Variants in SAMMSON observed in about 807,000 individuals in gnomAD.
SAMMSON encodes the protein long intergenic non-protein coding RNA 1212.
chr3:70,095,686 T>C (rs2067320654), intron 4 of SAMMSON, among the ~76,000 whole-genome samples: 1 of 152,152 alleles, frequency 6.6e-6, no homozygotes, highest in South Asian at 2.1e-4. Flanking sequence ...TAATGGTTCT[T>C]AGGAGTTGTT....
intron 3 of SAMMSON, among the ~76,000 whole-genome samples, chr3:70,026,326 G>A (rs1190968674): frequency 6.6e-6 from 1 of 152,028 alleles, no homozygotes; most frequent in African/African-American, 2.4e-5. Flanking sequence ...ACAGTTTGAA[G>A]GTCAGGAATT....
At chr3:70,284,638 C>T (rs926998314) in intron 6 of SAMMSON, among the ~76,000 whole-genome samples, 5 of 152,118 alleles carry the variant, frequency 3.3e-5, no homozygotes, top group Admixed American at 1.3e-4. Flanking sequence ...TAGAAATTAA[C>T]ACAGGAACAG....
intron 7 of SAMMSON, among the ~76,000 whole-genome samples, chr3:70,301,724 C>T (rs1702350564): frequency 6.6e-6 from 1 of 151,924 alleles, no homozygotes; most frequent in South Asian, 2.1e-4. Flanking sequence ...TTGATACATT[C>T]TTAATTCTCA....
chr3:70,074,928 A>G (rs2067243197), intron 4 of SAMMSON: 1 of 151,976 alleles, frequency 6.6e-6, no homozygotes, highest in South Asian at 2.1e-4. Context: ...GGTGTGATTC[A>G]TCTCCCAATA....
At chr3:70,089,343 A>G (rs978361466) in intron 4 of SAMMSON, among the ~76,000 whole-genome samples, 9 of 152,212 alleles carry the variant, frequency 5.9e-5, no homozygotes, top group Non-Finnish European at 1.2e-4. Flanking sequence ...AGCACATGCA[A>G]TCTTCACAGT....
At chr3:70,174,891 C>A (rs995130161) in intron 4 of SAMMSON, among the ~76,000 whole-genome samples, 1 of 152,012 alleles carries the variant, frequency 6.6e-6, no homozygotes, top group African/African-American at 2.4e-5. Flanking sequence ...AACATATTTT[C>A]ATGTACAGTT....
intron 4 of SAMMSON, among the ~76,000 whole-genome samples, chr3:70,239,979 T>G (rs1701650581): frequency 6.6e-6 from 1 of 152,066 alleles, no homozygotes; most frequent in Non-Finnish European, 1.5e-5. Context: ...GCTTTGAAAT[T>G]GAAGAAAATA....
At chr3:70,262,488 T>G (rs12489265) in intron 6 of SAMMSON, among the ~76,000 whole-genome samples, 9,584 of 152,266 alleles carry the variant, frequency 0.063, 365 homozygotes, top group South Asian at 0.12. Context: ...TCTTCAGTGT[T>G]TATTATGGGG....
chr3:70,161,694 CAGA>C (rs1333978793), intron 4 of SAMMSON, among the ~76,000 whole-genome samples: 1 of 151,736 alleles, frequency 6.6e-6, no homozygotes, highest in Non-Finnish European at 1.5e-5. Flanking sequence ...AAAATGATTT[CAGA>C]AGTTTTTCTT....
intron 1 of SAMMSON, among the ~76,000 whole-genome samples, chr3:70,008,237 A>C (rs1228048926): frequency 6.6e-6 from 1 of 152,150 alleles, no homozygotes; most frequent in Non-Finnish European, 1.5e-5. Flanking sequence ...TACCTTGGGC[A>C]GTATGGCCAC....
chr3:70,142,290 T>C (rs915695898), intron 4 of SAMMSON, among the ~76,000 whole-genome samples: 5 of 152,140 alleles, frequency 3.3e-5, no homozygotes, highest in Admixed American at 6.6e-5. Flanking sequence ...CAAGTGGCCA[T>C]CAATCAACAA....
intron 9 of SAMMSON, among the ~76,000 whole-genome samples, chr3:70,361,388 T>A (rs954485660): frequency 1.3e-5 from 2 of 152,196 alleles, no homozygotes; most frequent in Non-Finnish European, 2.9e-5. Context: ...TGAACCACTA[T>A]GGAAAGGAAT....
At chr3:70,060,532 A>G (rs1396680658) in intron 3 of SAMMSON, among the ~76,000 whole-genome samples, 1 of 152,150 alleles carries the variant, frequency 6.6e-6, no homozygotes, top group Non-Finnish European at 1.5e-5. Flanking sequence ...CTTTTCTGCT[A>G]TCTATTGATA....
chr3:70,298,689 A>G (rs1522342), intron 7 of SAMMSON, among the ~76,000 whole-genome samples: 31,567 of 151,964 alleles, frequency 0.21, 3,473 homozygotes, highest in South Asian at 0.28. Flanking sequence ...AGCTATATTG[A>G]CTTGCCCAAA....
intron 4 of SAMMSON, among the ~76,000 whole-genome samples, chr3:70,245,282 G>A (rs1701695984): frequency 6.6e-6 from 1 of 152,002 alleles, no homozygotes; most frequent in Non-Finnish European, 1.5e-5. Context: ...AAATTTTGGT[G>A]ATATAAAATT....
At chr3:70,386,456 T>A (rs1703123567) in intron 9 of SAMMSON, among the ~76,000 whole-genome samples, 1 of 152,066 alleles carries the variant, frequency 6.6e-6, no homozygotes, top group Non-Finnish European at 1.5e-5. Flanking sequence ...ATAAATTCAT[T>A]TGAACTTTAA....
At chr3:70,331,673 T>G (rs370785538) in intron 7 of SAMMSON, among the ~76,000 whole-genome samples, 9 of 152,230 alleles carry the variant, frequency 5.9e-5, no homozygotes, top group African/African-American at 2.2e-4. Flanking sequence ...GCAGCATGTT[T>G]ACATAAATGA....
intron 6 of SAMMSON, among the ~76,000 whole-genome samples, chr3:70,254,323 C>A (rs1208975002): frequency 1.3e-5 from 2 of 152,108 alleles, no homozygotes; most frequent in African/African-American, 2.4e-5. Flanking sequence ...CCCAAACATT[C>A]TAAAATTGCA....
In SAMMSON at chr3:70,010,367, G is replaced by T. The variant is rs549344429; in HGVS notation, n.23-1990G>T. Among the ~76,000 whole-genome samples, 424 of 152,112 alleles carry T rather than the reference G, an allele frequency of 2.8e-3. 3 individuals are homozygous for T. Among genetic ancestry groups the T allele is most frequent in the Non-Finnish European group, 4.4e-3 (299 of 67,988 alleles). ...GTTTAGGATAGTTAGCTCTTCATGTGGAATTGTTCCCTTTACCATTATGTA... is the reference window on the plus strand; with the variant it reads ...GTTTAGGATAGTTAGCTCTTCATGTTGAATTGTTCCCTTTACCATTATGTA... On this transcript the variant is annotated intron_variant and non_coding_transcript_variant, in intron 1 of 9. Transcript: ENST00000642114.
Sources: allele counts gnomAD v4.1 joint callset (sites outside exome capture counted in the v4.1 genomes callset), GRCh38; gene constraint gnomAD v4.1.1; transcripts MANE v1.5; gene names NCBI Gene and HGNC (gene_info 2026-07-23, HGNC 2026-07-21).